Variants in MORC3 observed in about 807,000 individuals in gnomAD.
MORC3 encodes MORC family CW-type zinc finger protein 3.
MORC3 carries 31 observed loss-of-function variants against 109.1 expected under a neutral mutation model. The ratio of observed to expected loss-of-function variants is 0.28; its 90% CI spans 0.21 to 0.38. MORC3 has a LOEUF of 0.38. MORC3 is among the 10% of genes least tolerant of loss of function. The probability of loss-of-function intolerance (pLI) is 1.00; values close to 1 mark genes in which losing one functional copy is unlikely to be tolerated. For missense variants in MORC3, 867 were observed against 1,135.8 expected (o/e 0.76, Z 3.40); for synonymous variants, 395 against 380.7 (o/e 1.04, Z -0.44).
At position 36,371,121 on chromosome 21, in the gene MORC3, T is replaced by TA. The variant is rs576493236; in HGVS notation, c.2508+1246dup. Among the ~76,000 whole-genome samples the TA allele has an allele frequency of 2.9e-4, 44 of 152,298 alleles. 1 individual carries two copies. The East Asian group carries it at 6.0e-3, about 21-fold the overall frequency. On this transcript the variant is annotated intron_variant, in intron 15 of 16. Transcript: ENST00000400485. ...ATGATAAATATCAGTAGCTTCTTCA[T>TA]ATGCCCCTACTTCAAATTCAGGTAG...
intron 6 of MORC3, among the ~76,000 whole-genome samples, chr21:36,343,678 A>T (rs2085476601): frequency 6.8e-6 from 1 of 147,664 alleles, no homozygotes; most frequent in African/African-American, 2.5e-5. Flanking sequence ...TGAACTCCTG[A>T]CCTCGTGATC....
chr21:36,369,299 T>G lies in MORC3; in HGVS notation c.1931T>G (p.Val644Gly), dbSNP rs200014360. 6.2e-7 allele frequency: 1 copy of G among 1,614,156 alleles called. No individual in the cohort carries two copies. ...AATACTGCAGCTACCCAGACTGAAG[T>G]ACCAAGTTTAGTTGTTAAAAAAGAA... Reference protein sequence around the residue: ...QGNTAATQTEVPSLVVKKEET... With the variant: ...QGNTAATQTEGPSLVVKKEET... The change falls in exon 15 of 17, where the codon GTA (valine) becomes GGA (glycine). Residue 644 changes from valine (V) to glycine (G), a missense_variant. Around this residue, in one of 7 missense-constraint regions of MORC3, gnomAD observed 486 missense variants for 502.1 expected, o/e 0.97. Coordinates refer to ENST00000400485, the MANE Select transcript of MORC3 (RefSeq NM_015358.3).
chr21:36,331,299 A>G (rs1233595658), intron 1 of MORC3, among the ~76,000 whole-genome samples: 1 of 152,088 alleles, frequency 6.6e-6, no homozygotes, highest in African/African-American at 2.4e-5. Flanking sequence ...TGCCTTTTAA[A>G]ACTACTTGTG....
rs2085921780 is a variant in MORC3 at position 36,375,607 on chromosome 21, C to T, written c.*311C>T. On this transcript the variant is annotated 3_prime_UTR_variant, in exon 17 of 17. Coordinates refer to ENST00000400485, the MANE Select transcript of MORC3 (RefSeq NM_015358.3). ...GTACTCAAGTGTTTTTCACCAAGAG[C>T]TTTTCAGGTTGCCCCTAAGCTTTGT... The T allele has an allele frequency of 5.8e-6, 1 of 173,516 alleles. No homozygotes were observed. Among genetic ancestry groups the T allele is most frequent in the Admixed American group, 6.2e-5 (1 of 16,248 alleles). 10.7% of individuals were successfully genotyped at this position (173,516 alleles called of 1,614,324 possible).
At position 36,369,260 on chromosome 21, in the gene MORC3, G is replaced by C; in HGVS notation, c.1892G>C (p.Arg631Pro). The C allele has an allele frequency of 6.2e-7, 1 of 1,614,104 alleles. No individual in the cohort carries two copies. The highest frequency in any genetic ancestry group is 8.5e-7 in the Non-Finnish European group (1 of 1,180,030). The change falls in exon 15 of 17, where the codon CGA becomes CCA. Residue 631 changes from arginine to proline, a missense_variant. By Grantham distance (103) the Arg-to-Pro change is moderately radical. Transcript: ENST00000400485. ...GGTTCAACAAGCACCTCATCATCCC[G>C]ATGCGACCAGGGAAATACTGCAGCT... is the stretch of plus-strand genomic sequence containing the variant. ...QTGSTSTSSS[R>P]CDQGNTAATQ...
At chr21:36,335,802 C>T (rs1364259850) in intron 2 of MORC3, among the ~76,000 whole-genome samples, 1 of 152,150 alleles carries the variant, frequency 6.6e-6, no homozygotes, top group Non-Finnish European at 1.5e-5. Context: ...AATCTTCCAT[C>T]CTTGTATGTA....
In MORC3 at chr21:36,361,973, C is replaced by T; in HGVS notation, c.1407-210C>T. ...TGGAGAAAAAAACACCAAAGATCTG[C>T]AGTTTATACCGGTGAGGATGGAAAA... On this transcript the variant is annotated intron_variant, in intron 12 of 16. Transcript: ENST00000400485. 4.9e-6 allele frequency: 3 copies of T among 607,170 alleles called. No individual in the cohort carries two copies. The South Asian group carries it at 6.0e-5, about 12-fold the overall frequency. 37.6% of individuals were successfully genotyped at this position (607,170 alleles called of 1,614,324 possible).
intron 16 of MORC3, among the ~76,000 whole-genome samples, chr21:36,374,338 G>A (rs1331762429): frequency 1.3e-5 from 2 of 151,958 alleles, no homozygotes; most frequent in Non-Finnish European, 1.5e-5. Context: ...CGATCTGCCC[G>A]CCTCAGCCTC....
At chr21:36,371,494 T>G (rs894666109) in intron 15 of MORC3, among the ~76,000 whole-genome samples, 1 of 152,218 alleles carries the variant, frequency 6.6e-6, no homozygotes, top group Non-Finnish European at 1.5e-5. Flanking sequence ...GGCAAAATCA[T>G]CTAACACAAA....
chr21:36,368,010 G>A (rs2085801592), intron 14 of MORC3, among the ~76,000 whole-genome samples: 1 of 152,056 alleles, frequency 6.6e-6, no homozygotes, highest in Non-Finnish European at 1.5e-5. Context: ...GGCTGTGCTC[G>A]CCCAATATGA....
At chr21:36,362,902 A>T (rs961311085) in intron 13 of MORC3, among the ~76,000 whole-genome samples, 1 of 152,100 alleles carries the variant, frequency 6.6e-6, no homozygotes, top group Non-Finnish European at 1.5e-5. Context: ...AACAAACTTT[A>T]AAAATTGTAC....
chr21:36,368,959 T>G lies in MORC3; in HGVS notation c.1620-29T>G, dbSNP rs1026430008. On this transcript the variant is annotated intron_variant, in intron 14 of 16. Coordinates refer to ENST00000400485, the MANE Select transcript of MORC3 (RefSeq NM_015358.3). ...TCTATTTTGTCCATATTTTATAATC[T>G]TATGTTTTATGTATAAAATTTTTTT... The G allele has an allele frequency of 2.0e-6, 3 of 1,519,790 alleles. No individual in the cohort carries two copies. In the African/African-American group the frequency reaches 4.2e-5, roughly 21 times the overall value. The allele number at this position is 1,519,790 out of a possible 1,614,324, so 94.1% of individuals were successfully genotyped here. A position where few individuals can be genotyped will look rare whatever the true frequency, so the allele number is the denominator to read the frequency against.
chr21:36,338,650 A>G lies in MORC3; in HGVS notation c.461-124A>G, dbSNP rs2085400778. 4 of 1,002,038 alleles carry G rather than the reference A, an allele frequency of 4.0e-6. No individual in the cohort carries two copies. The South Asian group carries it at 8.1e-5, about 20-fold the overall frequency. 62.1% of individuals were successfully genotyped at this position (1,002,038 alleles called of 1,614,324 possible). A position where few individuals can be genotyped will look rare whatever the true frequency, so the allele number is the denominator to read the frequency against. On this transcript the variant is annotated intron_variant, in intron 4 of 16. Transcript: ENST00000400485. ...AGCAATAGTGAGACCCTATCTCACA[A>G]AAAAAAAAACCTTAGAAAATTATTT...
chr21:36,350,342 G>A (rs891401191), intron 9 of MORC3, among the ~76,000 whole-genome samples: 1 of 151,970 alleles, frequency 6.6e-6, no homozygotes, highest in African/African-American at 2.4e-5. Flanking sequence ...GCTTACACCT[G>A]TAATCCCAGC....
chr21:36,373,825 G>A (rs935545062), intron 16 of MORC3, among the ~76,000 whole-genome samples: 1 of 152,176 alleles, frequency 6.6e-6, no homozygotes, highest in African/African-American at 2.4e-5. Context: ...TTATATTGTA[G>A]TGGGGTAGGG....
At chr21:36,372,638 T>C in intron 16 of MORC3, 107 bp downstream of exon 16, 4 of 1,176,954 alleles carry the variant, frequency 3.4e-6, no homozygotes, top group Non-Finnish European at 3.4e-6. Flanking sequence ...CAAAAGAAGT[T>C]ATTGATGGTC....
chr21:36,362,167 C>T lies in MORC3; in HGVS notation c.1407-16C>T. 6.2e-7 allele frequency: 1 copy of T among 1,608,234 alleles called. No homozygotes were observed. The highest frequency in any genetic ancestry group is 8.5e-7 in the Non-Finnish European group (1 of 1,176,662). On this transcript the variant is annotated splice_polypyrimidine_tract_variant and intron_variant, in intron 12 of 16. Coordinates refer to ENST00000400485, the MANE Select transcript of MORC3 (RefSeq NM_015358.3). The stretch of plus-strand genomic sequence containing the variant: ...GATTGAGAAATAACAACATGTTTTT[C>T]ATCTTTATTTTAAAGCAACAAGGAA...
At chr21:36,370,842 T>C (rs915162433) in intron 15 of MORC3, among the ~76,000 whole-genome samples, 6 of 151,518 alleles carry the variant, frequency 4.0e-5, no homozygotes, top group Non-Finnish European at 5.9e-5. Context: ...CTAATTTTTG[T>C]CTTTTTATTA....
At chr21:36,343,450 T>C (rs1257790556) in intron 6 of MORC3, among the ~76,000 whole-genome samples, 2 of 24,082 alleles carry the variant, frequency 8.3e-5, no homozygotes, top group African/African-American at 3.6e-4. Context: ...TTTTGCTTTC[T>C]TTTTTTTTTT....
Sources: allele counts gnomAD v4.1 joint callset (sites outside exome capture counted in the v4.1 genomes callset), GRCh38; gene constraint gnomAD v4.1.1; regional missense constraint gnomAD v4.1.1; transcripts MANE v1.5; gene names NCBI Gene and HGNC (gene_info 2026-07-23, HGNC 2026-07-21).